The following NIN variants were observed in gnomAD, a reference collection of about 807,000 sequenced individuals.
The protein encoded by NIN is ninein.
In NIN, 137 loss-of-function variants were observed where a neutral mutation model predicts 257.6. The ratio of observed to expected loss-of-function variants is 0.53; its 90% confidence interval spans 0.46 to 0.61. The LOEUF (loss-of-function observed/expected upper bound fraction) is 0.61. Among genes scored for constraint, NIN ranks in the 20% least tolerant of loss-of-function variants. The pLI, the probability that NIN is intolerant of heterozygous loss-of-function variation, is 0.00. For missense variants in NIN, 2,439 were observed against 2,501.2 expected (o/e 0.98, Z 0.53); for synonymous variants, 918 against 919.8 (o/e 1.00, Z 0.04).
intron 26 of NIN, 141 bp downstream of exon 26, chr14:50,739,167 G>C: frequency 1.5e-6 from 1 of 650,616 alleles, no homozygotes. Context: ...AATGATAAAT[G>C]ATACATTCTT....
intron 2 of NIN, among the ~76,000 whole-genome samples, chr14:50,826,745 G>A (rs1566888560): frequency 6.6e-6 from 1 of 152,212 alleles, no homozygotes; most frequent in Non-Finnish European, 1.5e-5. Flanking sequence ...AGTCTGGCAA[G>A]TGAAAACCAA....
chr14:50,776,300 G>A (rs1337217795), intron 7 of NIN, among the ~76,000 whole-genome samples: 1 of 152,090 alleles, frequency 6.6e-6, no homozygotes, highest in Non-Finnish European at 1.5e-5. Flanking sequence ...TTTTACCAAA[G>A]AAGAGTCTTT....
In NIN at chr14:50,721,364, C is replaced by A. The variant is rs2040267487; in HGVS notation, c.*2099G>T. ...TAGGAAATAAACAAATTAACCTACA[C>A]CTCTCATACTGTAAAAGACAAAAAT... On this transcript the variant is annotated 3_prime_UTR_variant, in exon 31 of 31. Transcript: ENST00000530997. 4.8e-6 allele frequency: 1 copy of A among 210,420 alleles called. No homozygotes were observed. Among genetic ancestry groups the A allele is most frequent in the African/African-American group, 2.3e-5 (1 of 44,038 alleles). The allele number at this position is 210,420 out of a possible 1,614,324, so 13.0% of individuals were successfully genotyped here.
intron 2 of NIN, chr14:50,823,109 A>T: frequency 2.0e-6 from 1 of 495,340 alleles, no homozygotes; most frequent in Non-Finnish European, 4.0e-6. Flanking sequence ...TTAAAAATAT[A>T]CATCATAAAA....
chr14:50,764,750 G>GTA (rs1354656294), intron 14 of NIN, among the ~76,000 whole-genome samples: 1 of 152,090 alleles, frequency 6.6e-6, no homozygotes, highest in Non-Finnish European at 1.5e-5. Context: ...TATATGAAAT[G>GTA]TATAGAATAT....
chr14:50,773,776 A>AC (rs140957134), intron 7 of NIN, among the ~76,000 whole-genome samples: 1,844 of 152,228 alleles, frequency 0.012, 36 homozygotes, highest in African/African-American at 0.041. Flanking sequence ...GCTAGTCCGC[A>AC]CCCTCTGATG....
At position 50,757,876 on chromosome 14, in the gene NIN, G is replaced by A; in HGVS notation, c.3154C>T (p.Leu1052=). 6.2e-7 allele frequency: 1 copy of A among 1,614,156 alleles called. No individual in the cohort carries two copies. Among genetic ancestry groups the A allele is most frequent in the Non-Finnish European group, 8.5e-7 (1 of 1,180,024 alleles). ...EEVEGDGALS[L]LQQGEQLLEE... ...AACAGCTGCTCCCCTTGCTGAAGCA[G>A]GGACAGGGCTCCATCTCCTTCCACC... The change falls in exon 18 of 31, where the codon CTG becomes TTG. Residue 1052 remains leucine, a synonymous_variant. Coordinates refer to ENST00000530997, the MANE Select transcript of NIN (RefSeq NM_020921.4).
intron 30 of NIN, among the ~76,000 whole-genome samples, chr14:50,724,796 T>C (rs759437714): frequency 6.6e-6 from 1 of 152,094 alleles, no homozygotes; most frequent in Admixed American, 6.5e-5. Flanking sequence ...CCCCACACTT[T>C]CTTAACTAGT....
At chr14:50,772,113 C>CG (rs2141820579) in intron 9 of NIN, 188 bp downstream of exon 9, 1 of 502,206 alleles carries the variant, frequency 2.0e-6, no homozygotes, top group East Asian at 2.9e-5. Context: ...GTTAAAAACA[C>CG]GGAAAGTACT....
chr14:50,776,175 C>T lies in NIN; in HGVS notation c.666+774G>A, dbSNP rs1254399673. Among the ~76,000 whole-genome samples, 4 of 152,306 alleles carry T rather than the reference C, an allele frequency of 2.6e-5. No individual in the cohort carries two copies. The East Asian group carries it at 7.7e-4, about 29-fold the overall frequency. ...CCTAACTCTCTCCAATCCTTATTTT[C>T]AGCTCGTTGAAAGGCACATCTTAGA... On this transcript the variant is annotated intron_variant, in intron 7 of 30. Transcript: ENST00000530997.
At chr14:50,765,743 A>G (rs2042453913) in intron 14 of NIN, among the ~76,000 whole-genome samples, 1 of 151,434 alleles carries the variant, frequency 6.6e-6, no homozygotes, top group South Asian at 2.1e-4. Flanking sequence ...CAGAAAAAAA[A>G]AAACCCACAG....
upstream of NIN, among the ~76,000 whole-genome samples, chr14:50,831,299 G>T (rs1396445792): frequency 2.0e-5 from 3 of 151,930 alleles, no homozygotes; most frequent in Non-Finnish European, 4.4e-5. Flanking sequence ...CTCCCGCTCC[G>T]AGCGCCCGCC....
chr14:50,794,311 G>A (rs2043738150), intron 4 of NIN: 1 of 156,082 alleles, frequency 6.4e-6, no homozygotes, highest in Non-Finnish European at 1.4e-5. Context: ...AATTTCTAGT[G>A]ATATTTATAT....
chr14:50,731,767 A>G (rs139767843), intron 28 of NIN, among the ~76,000 whole-genome samples: 153 of 152,312 alleles, frequency 1.0e-3, no homozygotes, highest in African/African-American at 3.6e-3. Context: ...CAGAGGTTGC[A>G]GTGAGCTGAA....
intron 10 of NIN, 89 bp from the exon 11 acceptor site, chr14:50,771,081 C>A: frequency 6.8e-7 from 1 of 1,474,520 alleles, no homozygotes; most frequent in East Asian, 2.3e-5. Flanking sequence ...TGCATCAATA[C>A]AGAAGCAAAA....
chr14:50,765,832 C>G (rs543390069), intron 14 of NIN, among the ~76,000 whole-genome samples: 1 of 132,656 alleles, frequency 7.5e-6, no homozygotes, highest in Non-Finnish European at 1.6e-5. Flanking sequence ...ATGTTAATAG[C>G]TAACATTTAT....
intron 4 of NIN, among the ~76,000 whole-genome samples, chr14:50,802,474 C>G (rs754948358): frequency 1.1e-4 from 17 of 152,186 alleles, no homozygotes; most frequent in Non-Finnish European, 1.0e-4. Context: ...CATCTCCTCT[C>G]AAATCCCATG....
At chr14:50,828,495 C>T (rs563922582) in intron 2 of NIN, among the ~76,000 whole-genome samples, 3 of 152,310 alleles carry the variant, frequency 2.0e-5, no homozygotes, top group African/African-American at 7.2e-5. Context: ...CCCTGCCCAA[C>T]AGATGCAAGT....
In NIN at chr14:50,757,986, A is replaced by T; in HGVS notation, c.3044T>A (p.Leu1015His). 6.2e-7 allele frequency: 1 copy of T among 1,614,136 alleles called. No homozygotes were observed. Among genetic ancestry groups the T allele is most frequent in the Non-Finnish European group, 8.5e-7 (1 of 1,180,030 alleles). ...RAEMSTEISR[L>H]QSKIKEMQQA... Reference sequence around the variant, plus strand: ...CTGCATTTCCTTTATTTTACTCTGAAGTCTGGAGATTTCTGTGCTCATCTC... The same window carrying T: ...CTGCATTTCCTTTATTTTACTCTGATGTCTGGAGATTTCTGTGCTCATCTC... Residue 1015 changes from leucine (L) to histidine (H), a missense_variant, in exon 18 of 31, where the codon CTT becomes CAT. By Grantham distance (99) the Leu-to-His change is moderately conservative. Coordinates refer to ENST00000530997, the MANE Select transcript of NIN (RefSeq NM_020921.4).
Sources: allele counts gnomAD v4.1 joint callset (sites outside exome capture counted in the v4.1 genomes callset), GRCh38; gene constraint gnomAD v4.1.1; transcripts MANE v1.5; gene names NCBI Gene and HGNC (gene_info 2026-07-23, HGNC 2026-07-21).